Variants in SSH1 observed in about 807,000 individuals in gnomAD.
SSH1 encodes the protein protein phosphatase Slingshot homolog 1.
In SSH1, 43 loss-of-function variants were observed where a neutral mutation model predicts 79.7. That is an observed-to-expected ratio of 0.54 (90% confidence interval 0.42 to 0.70). The LOEUF is 0.70. SSH1 is among the 30% of genes least tolerant of loss of function. The probability of loss-of-function intolerance (pLI) is 0.00; values close to 1 mark genes in which losing one functional copy is unlikely to be tolerated. For missense variants in SSH1, 1,206 were observed against 1,358.8 expected, an observed-to-expected ratio of 0.89 and a Z score of 1.77; for synonymous variants, 599 against 538.3, an observed-to-expected ratio of 1.11 and a Z score of -1.56.
At chr12:108,840,795 ACG>A (rs1304899449) in intron 2 of SSH1, among the ~76,000 whole-genome samples, 3 of 152,202 alleles carry the variant, frequency 2.0e-5, no homozygotes, top group Non-Finnish European at 4.4e-5. Flanking sequence ...CTGGGGGCAG[ACG>A]CGGCAGGCTA....
At position 108,789,337 on chromosome 12, in the gene SSH1, C is replaced by T. The variant is rs1224054621; in HGVS notation, c.1894-93G>A. On this transcript the variant is annotated intron_variant, in intron 14 of 14. Transcript: ENST00000326495. ...GTGGGCAGGGAAAGGGGTGCGAGGCCGGACTGGGGGCCAGGCCTGGAGGGG... is the reference window on the plus strand; with the variant it reads ...GTGGGCAGGGAAAGGGGTGCGAGGCTGGACTGGGGGCCAGGCCTGGAGGGG... 14 of 1,357,980 alleles carry T rather than the reference C, an allele frequency of 1.0e-5. 1 individual carries two copies. The highest frequency in any genetic ancestry group is 8.8e-5 in the South Asian group (7 of 79,386). The allele number at this position is 1,357,980 out of a possible 1,614,324, so 84.1% of individuals were successfully genotyped here.
At chr12:108,848,365 T>C (rs1593131696) in intron 2 of SSH1, among the ~76,000 whole-genome samples, 1 of 152,042 alleles carries the variant, frequency 6.6e-6, no homozygotes, top group East Asian at 1.9e-4. Flanking sequence ...AAACTATTAA[T>C]TAAGGCTAGA....
At chr12:108,811,123 A>AT (rs1327102878) in intron 6 of SSH1, 137 bp downstream of exon 6, 1 of 823,726 alleles carries the variant, frequency 1.2e-6, no homozygotes, top group Non-Finnish European at 2.1e-6. Flanking sequence ...CTCGAGGGCA[A>AT]TATGATTTCT....
Position 108,787,403 on chromosome 12 carries a change from G to C in SSH1, c.*585C>G, listed in dbSNP as rs942774932. On this transcript the variant is annotated 3_prime_UTR_variant, in exon 15 of 15. Coordinates refer to ENST00000326495, the MANE Select transcript of SSH1 (RefSeq NM_018984.4). ...TTACTCAGCAGTGCTTGGGGCTGTC[G>C]GGTTAAAAGTCTTGACACGTCTGGG... The C allele has an allele frequency of 6.4e-6, 1 of 156,596 alleles. No homozygotes were observed. The highest frequency in any genetic ancestry group is 2.4e-5 in the African/African-American group (1 of 41,434). 9.7% of individuals were successfully genotyped at this position (156,596 alleles called of 1,614,324 possible).
At chr12:108,801,319 TTATC>T (rs2036994050) in intron 11 of SSH1, among the ~76,000 whole-genome samples, 1 of 152,202 alleles carries the variant, frequency 6.6e-6, no homozygotes, top group Non-Finnish European at 1.5e-5. Context: ...TATCCATCCA[TTATC>T]TATATCCTTG....
intron 5 of SSH1, among the ~76,000 whole-genome samples, 159 bp downstream of exon 5, chr12:108,816,879 A>C (rs2037914239): frequency 6.6e-6 from 1 of 152,120 alleles, no homozygotes; most frequent in African/African-American, 2.4e-5. Context: ...AGAGAGCTGA[A>C]ATGGCACACC....
At chr12:108,813,598 G>A (rs567865017) in intron 5 of SSH1, among the ~76,000 whole-genome samples, 112 of 151,266 alleles carry the variant, frequency 7.4e-4, no homozygotes, top group African/African-American at 2.5e-3. Flanking sequence ...CTGTGGCCTC[G>A]GCTACTCAGG....
chr12:108,787,052 C>T lies in SSH1; in HGVS notation c.*936G>A, dbSNP rs540966813. Reference sequence around the variant, plus strand: ...GCCGCTGAAATCTCCTTTCCCTTCCCTAGATGGGCCCTAGTGGACCTAAGC... The same window carrying T: ...GCCGCTGAAATCTCCTTTCCCTTCCTTAGATGGGCCCTAGTGGACCTAAGC... On this transcript the variant is annotated 3_prime_UTR_variant, in exon 15 of 15. Transcript: ENST00000326495. 13 of 152,366 alleles carry T rather than the reference C, an allele frequency of 8.5e-5. No homozygotes were observed. Among genetic ancestry groups the T allele is most frequent in the African/African-American group, 3.1e-4 (13 of 41,580 alleles). 9.4% of individuals were successfully genotyped at this position (152,366 alleles called of 1,614,324 possible).
At chr12:108,798,919 T>C (rs2036865526) in intron 13 of SSH1, 81 bp downstream of exon 13, 5 of 1,523,290 alleles carry the variant, frequency 3.3e-6, no homozygotes, top group Non-Finnish European at 4.5e-6. Context: ...CATGCTCTGC[T>C]GCCGACAGAG....
chr12:108,857,178 T>A lies in SSH1; in HGVS notation c.69+250A>T, dbSNP rs2039161882. The stretch of plus-strand genomic sequence containing the variant: ...CAGAGGGGTCGCACTGCATACACAG[T>A]CCCTGCAAAGTCGCCCCCCGATAGG... On this transcript the variant is annotated intron_variant, in intron 1 of 14. Coordinates refer to ENST00000326495, the MANE Select transcript of SSH1 (RefSeq NM_018984.4). This position sits in a 1 kb window ranked among gnomAD's most constrained non-coding sequence, Gnocchi z 4.7. Among the ~76,000 whole-genome samples the A allele has an allele frequency of 6.6e-6, 1 of 152,016 alleles. No homozygotes were observed. Among genetic ancestry groups the A allele is most frequent in the Non-Finnish European group, 1.5e-5 (1 of 67,978 alleles).
rs2036284565 is a variant in SSH1 at position 108,786,689 on chromosome 12, G to C, written c.*1299C>G. On this transcript the variant is annotated 3_prime_UTR_variant, in exon 15 of 15. Transcript: ENST00000326495. ...ACAGAGCCAGGCCCTGTCTTAAAGA[G>C]GAAAAACCATTCCTAGCTCACGGGG... 1 of 152,206 alleles carries C rather than the reference G, an allele frequency of 6.6e-6. No individual in the cohort carries two copies. The highest frequency in any genetic ancestry group is 2.1e-4 in the South Asian group (1 of 4,832). 9.4% of individuals were successfully genotyped at this position (152,206 alleles called of 1,614,324 possible). A position where few individuals can be genotyped will look rare whatever the true frequency, so the allele number is the denominator to read the frequency against.
At chr12:108,852,096 T>C (rs751609756) in intron 2 of SSH1, among the ~76,000 whole-genome samples, 16 of 152,098 alleles carry the variant, frequency 1.1e-4, no homozygotes, top group Non-Finnish European at 2.2e-4. Context: ...GTAAGGGTGG[T>C]AGAATAATGG....
chr12:108,854,776 C>T (rs954388894), intron 1 of SSH1, among the ~76,000 whole-genome samples: 3 of 152,184 alleles, frequency 2.0e-5, no homozygotes, highest in Admixed American at 1.3e-4. Flanking sequence ...AGAGGTAATT[C>T]AGTCCTTTTA....
rs938609184 is a variant in SSH1 at position 108,783,651 on chromosome 12, C to A, written c.*4337G>T. ...CCCAGGGCGGCACTGGTCACAGTTT[C>A]ATTCCAGATCGTTAAGGTGATTTGC... On this transcript the variant is annotated 3_prime_UTR_variant, in exon 15 of 15. Coordinates refer to ENST00000326495, the MANE Select transcript of SSH1 (RefSeq NM_018984.4). 1 of 152,242 alleles carries A rather than the reference C, an allele frequency of 6.6e-6. No homozygotes were observed. Among genetic ancestry groups the A allele is most frequent in the African/African-American group, 2.4e-5 (1 of 41,458 alleles). 9.4% of individuals were successfully genotyped at this position (152,242 alleles called of 1,614,324 possible). A position where few individuals can be genotyped will look rare whatever the true frequency, so the allele number is the denominator to read the frequency against.
rs1449879443 is a variant in SSH1 at position 108,800,769 on chromosome 12, T to C, written c.1148+11A>G. 1 of 1,613,400 alleles carries C rather than the reference T, an allele frequency of 6.2e-7. No individual in the cohort carries two copies. The highest frequency in any genetic ancestry group is 1.7e-5 in the Admixed American group (1 of 59,992). ...GGTTTCATCCTCAGCCCCGCCTCTC[T>C]GTCCACTTACTTCGCTTTGTTTATA... On this transcript the variant is annotated intron_variant, in intron 12 of 14. Coordinates refer to ENST00000326495, the MANE Select transcript of SSH1 (RefSeq NM_018984.4).
intron 12 of SSH1, among the ~76,000 whole-genome samples, chr12:108,800,015 C>A (rs891044705): frequency 1.3e-5 from 2 of 152,162 alleles, no homozygotes; most frequent in African/African-American, 4.8e-5. Context: ...GGGGTTTTTT[C>A]CCCCTAACTG....
At chr12:108,855,676 A>G (rs2039129377) in intron 1 of SSH1, among the ~76,000 whole-genome samples, 1 of 152,184 alleles carries the variant, frequency 6.6e-6, no homozygotes, top group Non-Finnish European at 1.5e-5. Context: ...AAGTGCATAA[A>G]TTGCCAGACA....
Position 108,782,029 on chromosome 12 carries a change from T to A in SSH1, c.*5959A>T, listed in dbSNP as rs2136928699. The A allele has an allele frequency of 6.6e-6, 1 of 151,210 alleles. No individual in the cohort carries two copies. Among genetic ancestry groups the A allele is most frequent in the South Asian group, 2.1e-4 (1 of 4,788 alleles). The allele number at this position is 151,210 out of a possible 1,614,324, so 9.4% of individuals were successfully genotyped here. A position where few individuals can be genotyped will look rare whatever the true frequency, so the allele number is the denominator to read the frequency against. ...ACTGGGGAGGCTGAGGTGGGAGGAT[T>A]GCTTGAGGCAGGAGGATCACTTTAG... On this transcript the variant is annotated 3_prime_UTR_variant, in exon 15 of 15. Coordinates refer to ENST00000326495, the MANE Select transcript of SSH1 (RefSeq NM_018984.4).
chr12:108,818,653 C>A (rs2137162999), intron 3 of SSH1, among the ~76,000 whole-genome samples: 1 of 152,324 alleles, frequency 6.6e-6, no homozygotes, highest in South Asian at 2.1e-4. Context: ...CAATGTTACT[C>A]GGCAGGTTGG....
Sources: allele counts gnomAD v4.1 joint callset (sites outside exome capture counted in the v4.1 genomes callset), GRCh38; gene constraint gnomAD v4.1.1; non-coding constraint Gnocchi (gnomAD v3.1); transcripts MANE v1.5; gene names NCBI Gene and HGNC (gene_info 2026-07-23, HGNC 2026-07-21).